ARHGAP24: variants seen among roughly 807,000 people sequenced by gnomAD.
The protein encoded by ARHGAP24 is rho GTPase-activating protein 24.
A neutral mutation model predicts 76.4 loss-of-function variants in ARHGAP24; 50 were observed. The observed-to-expected ratio is 0.65, with a 90% CI of 0.52 to 0.83. ARHGAP24 has a LOEUF of 0.83. ARHGAP24 is among the 40% of genes least tolerant of loss of function. The probability of loss-of-function intolerance (pLI) is 0.00; values close to 1 mark genes in which losing one functional copy is unlikely to be tolerated. For missense variants in ARHGAP24, 930 were observed against 914.2 expected, an observed-to-expected ratio of 1.02 and a Z score of -0.22; for synonymous variants, 345 against 323.3, an observed-to-expected ratio of 1.07 and a Z score of -0.72.
Position 85,863,254 on chromosome 4 carries a change from C to T in ARHGAP24, c.269-60394C>T, listed in dbSNP as rs61177258. 7.3e-3 allele frequency among the ~76,000 whole-genome samples: 1,105 copies of T among 152,136 alleles called. 16 individuals carry two copies. Among genetic ancestry groups the T allele is most frequent in the African/African-American group, 0.026 (1,059 of 41,528 alleles). On this transcript the variant is annotated intron_variant, in intron 3 of 9. Transcript: ENST00000395184. The stretch of plus-strand genomic sequence containing the variant: ...TTTTCTTTGCAGGCTAACTCGTTTA[C>T]TTTCAGGTCCCAGTTTAAAACTCAG...
chr4:85,926,091 G>A (rs547820787), intron 4 of ARHGAP24, among the ~76,000 whole-genome samples: 1 of 151,750 alleles, frequency 6.6e-6, no homozygotes, highest in South Asian at 2.1e-4. Context: ...CAAATAAATG[G>A]CCACGGGCAG....
At chr4:85,691,084 C>G (rs1723637707) in intron 2 of ARHGAP24, among the ~76,000 whole-genome samples, 1 of 151,934 alleles carries the variant, frequency 6.6e-6, no homozygotes, top group Admixed American at 6.6e-5. Flanking sequence ...TTGATTTATG[C>G]CTTAATTTTG....
chr4:85,995,701 A>G (rs750849119), intron 9 of ARHGAP24, 44 bp downstream of exon 9: 1 of 1,569,888 alleles, frequency 6.4e-7, no homozygotes, highest in East Asian at 2.3e-5. Flanking sequence ...AGGGCTCAGT[A>G]GCCTCCTACT....
intron 2 of ARHGAP24, among the ~76,000 whole-genome samples, chr4:85,679,260 T>C (rs939028156): frequency 6.6e-6 from 1 of 152,192 alleles, no homozygotes; most frequent in African/African-American, 2.4e-5. Flanking sequence ...TCTCAGTTCA[T>C]CTTTCCTAGA....
intron 4 of ARHGAP24, among the ~76,000 whole-genome samples, chr4:85,929,895 T>C (rs1250172795): frequency 2.0e-5 from 3 of 152,196 alleles, no homozygotes; most frequent in Non-Finnish European, 4.4e-5. Flanking sequence ...TGGGGGTTGG[T>C]TTGGTGCCCT....
At chr4:85,610,296 T>C (rs1363009910) in intron 2 of ARHGAP24, among the ~76,000 whole-genome samples, 1 of 151,346 alleles carries the variant, frequency 6.6e-6, no homozygotes, top group East Asian at 1.9e-4. Flanking sequence ...CCAAAAAAAT[T>C]AGCCAGGTGT....
intron 5 of ARHGAP24, among the ~76,000 whole-genome samples, chr4:85,955,121 G>A (rs774757001): frequency 8.5e-5 from 13 of 152,232 alleles, no homozygotes; most frequent in East Asian, 3.9e-4. Flanking sequence ...GGCTGCTCTC[G>A]GCCCAGAGCC....
At chr4:85,925,794 G>C (rs1560721987) in intron 4 of ARHGAP24, among the ~76,000 whole-genome samples, 2 of 152,094 alleles carry the variant, frequency 1.3e-5, no homozygotes, top group Non-Finnish European at 2.9e-5. Flanking sequence ...GTACATGAGA[G>C]ACACATACTC....
Position 85,679,803 on chromosome 4 carries a change from T to C in ARHGAP24, c.181-42082T>C, listed in dbSNP as rs545112033. Among the ~76,000 whole-genome samples the C allele has an allele frequency of 4.6e-5, 7 of 152,092 alleles. No individual in the cohort carries two copies. The South Asian group carries it at 1.5e-3, about 32-fold the overall frequency. ...AGATACAGACATTTTCCTCTGAGAG[T>C]CTCAATAGTGTCTGTCTCTTGCTTC... is the stretch of plus-strand genomic sequence containing the variant. On this transcript the variant is annotated intron_variant, in intron 2 of 9. Transcript: ENST00000395184.
intron 1 of ARHGAP24, among the ~76,000 whole-genome samples, chr4:85,556,344 C>T (rs534875762): frequency 6.6e-5 from 10 of 152,176 alleles, no homozygotes; most frequent in East Asian, 5.8e-4. Flanking sequence ...TTCTCAGTTG[C>T]GGGTGGAGGA....
chr4:85,833,647 T>G (rs1730112136), intron 3 of ARHGAP24, among the ~76,000 whole-genome samples: 1 of 152,218 alleles, frequency 6.6e-6, no homozygotes, highest in Admixed American at 6.5e-5. Context: ...CCAGTTATAT[T>G]TGGAATTTCT....
chr4:85,927,744 T>C (rs1736094920), intron 4 of ARHGAP24, among the ~76,000 whole-genome samples: 1 of 152,250 alleles, frequency 6.6e-6, no homozygotes, highest in South Asian at 2.1e-4. Flanking sequence ...GGGCATTTCA[T>C]TGTGGCAATT....
rs375963145 is a variant in ARHGAP24 at position 85,977,591 on chromosome 4, C to T, written c.828C>T (p.Ser276=). The T allele has an allele frequency of 3.8e-5, 61 of 1,613,762 alleles. No individual in the cohort carries two copies. The African/African-American group carries it at 6.9e-4, about 18-fold the overall frequency. ...YICRFLDEVQ[S]YSGVNKMSVQ... is the part of the protein sequence containing the mutation. Reference sequence around the variant, plus strand: ...ATAGATTCTTGGATGAAGTACAGTCCTACTCGGGAGTTAACAAAATGAGTG... The same window carrying T: ...ATAGATTCTTGGATGAAGTACAGTCTTACTCGGGAGTTAACAAAATGAGTG... Residue 276 remains serine, a synonymous_variant, in exon 8 of 10, where the codon TCC becomes TCT. Coordinates refer to ENST00000395184, the MANE Select transcript of ARHGAP24 (RefSeq NM_001025616.3).
At chr4:85,643,678 T>G (rs971886596) in intron 2 of ARHGAP24, among the ~76,000 whole-genome samples, 5 of 151,660 alleles carry the variant, frequency 3.3e-5, no homozygotes, top group Non-Finnish European at 7.4e-5. Flanking sequence ...TTTGGATGTG[T>G]TTTTTTTTCC....
chr4:85,937,492 TA>T (rs1268606817), intron 4 of ARHGAP24, among the ~76,000 whole-genome samples: 1 of 152,212 alleles, frequency 6.6e-6, no homozygotes, highest in Admixed American at 6.5e-5. Flanking sequence ...AACCTGAGAA[TA>T]ATTAATATGT....
chr4:85,942,121 C>A lies in ARHGAP24; in HGVS notation c.447C>A (p.Asn149Lys), dbSNP rs1736984388. 6.2e-7 allele frequency: 1 copy of A among 1,613,934 alleles called. No homozygotes were observed. The highest frequency in any genetic ancestry group is 1.3e-5 in the African/African-American group (1 of 74,980). The stretch of plus-strand genomic sequence containing the variant: ...TTCGTTATGAGAAGAGATATGGGAA[C>A]CGTCTGGCTCCGATGTTGGTGGAGC... ...DTVRYEKRYG[N>K]RLAPMLVEQC... Residue 149 changes from asparagine to lysine, a missense_variant, in exon 5 of 10, where the codon AAC becomes AAA. Transcript: ENST00000395184.
intron 3 of ARHGAP24, among the ~76,000 whole-genome samples, chr4:85,915,642 C>T (rs1735343631): frequency 6.6e-6 from 1 of 151,354 alleles, no homozygotes; most frequent in Non-Finnish European, 1.5e-5. Context: ...CGTCGTTCAA[C>T]TCCCACTTAT....
At chr4:85,764,873 T>C (rs1345188243) in intron 3 of ARHGAP24, among the ~76,000 whole-genome samples, 1 of 151,692 alleles carries the variant, frequency 6.6e-6, no homozygotes, top group East Asian at 1.9e-4. Context: ...AGAAAGTTTA[T>C]ACTAATTCTG....
intron 2 of ARHGAP24, among the ~76,000 whole-genome samples, chr4:85,708,229 T>A (rs1345462683): frequency 1.3e-5 from 2 of 152,292 alleles, no homozygotes; most frequent in African/African-American, 4.8e-5. Flanking sequence ...ATATAAATAA[T>A]AATAATAGAT....
Sources: gnomAD v4.1 joint callset for allele counts (sites outside exome capture counted in the v4.1 genomes callset) on GRCh38, gnomAD v4.1.1 for gene constraint, MANE v1.5 for transcripts, NCBI Gene and HGNC (gene_info 2026-07-23, HGNC 2026-07-21) for gene names.